The following PPM1L variants were observed in gnomAD, a reference collection of about 807,000 sequenced individuals.
PPM1L encodes the protein protein phosphatase, Mg2+/Mn2+ dependent 1L.
PPM1L carries 13 observed loss-of-function variants against 31.4 expected under a neutral mutation model. That is an observed-to-expected ratio of 0.41 (90% CI 0.27 to 0.66). The LOEUF (loss-of-function observed/expected upper bound fraction) is 0.66. Among genes scored for constraint, PPM1L ranks in the 30% least tolerant of loss-of-function variants. The pLI is 0.29. For missense variants in PPM1L, 326 were observed against 453.7 expected (o/e 0.72, Z 2.56); for synonymous variants, 184 against 175.4 (o/e 1.05, Z -0.39).
intron 2 of PPM1L, among the ~76,000 whole-genome samples, chr3:160,978,399 A>C (rs567483764): frequency 4.9e-4 from 75 of 152,318 alleles, no homozygotes; most frequent in African/African-American, 1.7e-3. Context: ...TGGTGGCGGA[A>C]ATAAGAGGTA....
chr3:161,038,522 G>C (rs1296535016), intron 2 of PPM1L, among the ~76,000 whole-genome samples: 4 of 145,212 alleles, frequency 2.8e-5, no homozygotes, highest in African/African-American at 1.0e-4. Flanking sequence ...TGTTGCCCAG[G>C]CTCAAACTTC....
At chr3:160,763,146 G>A (rs1172262049) in intron 1 of PPM1L, among the ~76,000 whole-genome samples, 1 of 152,134 alleles carries the variant, frequency 6.6e-6, no homozygotes, top group African/African-American at 2.4e-5. Flanking sequence ...AGGAGAAAAG[G>A]TGGCTTTTAA....
chr3:161,062,679 C>T (rs910356717), intron 2 of PPM1L, among the ~76,000 whole-genome samples: 2 of 152,142 alleles, frequency 1.3e-5, no homozygotes, highest in Middle Eastern at 3.2e-3. Context: ...AAGAATGCCT[C>T]CTTCTCCCTT....
chr3:160,881,901 A>G lies in PPM1L; in HGVS notation c.400-79835A>G, dbSNP rs140942035. Among the ~76,000 whole-genome samples the G allele has an allele frequency of 4.1e-3, 623 of 152,268 alleles. 4 individuals carry two copies. The highest frequency in any genetic ancestry group is 0.014 in the African/African-American group (598 of 41,550). On this transcript the variant is annotated intron_variant, in intron 1 of 3. Transcript: ENST00000498165. ...CCCGTCTCTACTAAAAATACAAAAA[A>G]TTAGCCGGGCGTGGTAACAGGCGTC...
At chr3:161,026,021 AT>A (rs1448517407) in intron 2 of PPM1L, among the ~76,000 whole-genome samples, 1 of 152,220 alleles carries the variant, frequency 6.6e-6, no homozygotes, top group Non-Finnish European at 1.5e-5. Context: ...ACATAAAAAA[AT>A]CTTTTTAAAA....
intron 2 of PPM1L, among the ~76,000 whole-genome samples, chr3:161,031,502 C>CTTTTTTTTTTTTTTTTTTTTTTTTT (rs760907219): frequency 3.9e-5 from 4 of 101,668 alleles, no homozygotes; most frequent in East Asian, 4.2e-4. Flanking sequence ...GTATTCTGTC[C>CTTTTTTTTTTTTTTTTTTTTTTTTT]TTTTTTTTTT....
At chr3:160,914,473 C>T (rs1250567701) in intron 1 of PPM1L, among the ~76,000 whole-genome samples, 2 of 141,698 alleles carry the variant, frequency 1.4e-5, no homozygotes, top group African/African-American at 2.6e-5. Context: ...CGGTGTGTGA[C>T]GTTCCCTTTC....
intron 1 of PPM1L, among the ~76,000 whole-genome samples, chr3:160,771,427 G>A (rs1715252845): frequency 6.6e-6 from 1 of 150,864 alleles, no homozygotes; most frequent in Non-Finnish European, 1.5e-5. Context: ...TTTTTTTGTA[G>A]AAATGGGGTT....
chr3:161,042,218 C>T (rs1388664142), intron 2 of PPM1L, among the ~76,000 whole-genome samples: 1 of 152,200 alleles, frequency 6.6e-6, no homozygotes, highest in Admixed American at 6.5e-5. Flanking sequence ...TCTTTGGCCT[C>T]CCATTAAGCT....
At chr3:160,975,514 G>A (rs1382187301) in intron 2 of PPM1L, among the ~76,000 whole-genome samples, 2 of 152,170 alleles carry the variant, frequency 1.3e-5, no homozygotes, top group Non-Finnish European at 2.9e-5. Flanking sequence ...AGCATGGAAT[G>A]TTCTTCCATT....
intron 1 of PPM1L, among the ~76,000 whole-genome samples, chr3:160,874,625 T>C (rs1227177182): frequency 2.6e-5 from 4 of 152,150 alleles, no homozygotes; most frequent in African/African-American, 9.7e-5. Context: ...CATTCCTCCA[T>C]TGAGAGGTAG....
At chr3:160,996,415 T>C (rs1362462238) in intron 2 of PPM1L, among the ~76,000 whole-genome samples, 6 of 151,954 alleles carry the variant, frequency 3.9e-5, no homozygotes. Context: ...AACGAGTGGA[T>C]AAAAAAAATT....
intron 2 of PPM1L, among the ~76,000 whole-genome samples, chr3:161,020,143 T>G (rs1046050496): frequency 3.4e-5 from 5 of 148,050 alleles, no homozygotes; most frequent in Non-Finnish European, 7.4e-5. Flanking sequence ...AAAAAAAAAG[T>G]TGTACTAAGC....
intron 2 of PPM1L, among the ~76,000 whole-genome samples, chr3:161,036,722 A>G (rs982737234): frequency 6.6e-6 from 1 of 152,136 alleles, no homozygotes; most frequent in Non-Finnish European, 1.5e-5. Context: ...CATACTAGTC[A>G]TTATCAACCT....
intron 1 of PPM1L, among the ~76,000 whole-genome samples, chr3:160,893,929 T>G (rs1713243387): frequency 6.6e-6 from 1 of 152,210 alleles, no homozygotes; most frequent in South Asian, 2.1e-4. Context: ...TATGATACTT[T>G]TACATGAGAT....
chr3:161,036,623 C>T (rs572689753), intron 2 of PPM1L, among the ~76,000 whole-genome samples: 7 of 152,242 alleles, frequency 4.6e-5, no homozygotes, highest in African/African-American at 1.4e-4. Flanking sequence ...AACCCAGGCC[C>T]GGTGCCATTC....
chr3:160,839,716 C>G (rs1713813604), intron 1 of PPM1L, among the ~76,000 whole-genome samples: 1 of 152,272 alleles, frequency 6.6e-6, no homozygotes, highest in Admixed American at 6.5e-5. Flanking sequence ...CATTAAACAG[C>G]AGTCTTGTGA....
intron 1 of PPM1L, among the ~76,000 whole-genome samples, chr3:160,851,022 A>G (rs1276215375): frequency 1.3e-5 from 2 of 152,092 alleles, no homozygotes; most frequent in Admixed American, 6.5e-5. Flanking sequence ...TCTAAAAGAC[A>G]TGCTTGTAAA....
rs569831641 is a variant in PPM1L, at chr3:161,075,482, T to C, written c.*6325T>C. 5 of 152,342 alleles carry C rather than the reference T, an allele frequency of 3.3e-5. No homozygotes were observed. In the East Asian group the frequency reaches 9.6e-4, roughly 29 times the overall value. 9.4% of individuals were successfully genotyped at this position (152,342 alleles called of 1,614,324 possible). ...AGAGTATTGGTTAATGCTTTGCTTA[T>C]TTGTTAATGAAGACAGCATTTTAAT... On this transcript the variant is annotated 3_prime_UTR_variant, in exon 4 of 4. Coordinates refer to ENST00000498165, the MANE Select transcript of PPM1L (RefSeq NM_139245.4).
Sources: allele counts gnomAD v4.1 joint callset (sites outside exome capture counted in the v4.1 genomes callset), GRCh38; gene constraint gnomAD v4.1.1; transcripts MANE v1.5; gene names NCBI Gene and HGNC (gene_info 2026-07-23, HGNC 2026-07-21).